The following DPF3 variants were observed in gnomAD, a reference collection of about 807,000 sequenced individuals.
DPF3 encodes the protein zinc finger protein DPF3.
DPF3 carries 18 observed loss-of-function variants against 56.8 expected under a neutral mutation model. The observed-to-expected ratio is 0.32, with a 90% confidence interval of 0.22 to 0.47. The LOEUF is 0.47. Among genes scored for constraint, DPF3 ranks in the 20% least tolerant of loss-of-function variants. The pLI is 1.00. For synonymous variants in DPF3, 188 were observed against 180.2 expected, an observed-to-expected ratio of 1.04 and a Z score of -0.35; for missense variants, 403 against 488.8, an observed-to-expected ratio of 0.82 and a Z score of 1.65.
intron 1 of DPF3, among the ~76,000 whole-genome samples, chr14:72,803,989 A>G (rs1314199336): frequency 1.3e-5 from 2 of 152,230 alleles, no homozygotes; most frequent in Non-Finnish European, 2.9e-5. Flanking sequence ...ACCCTAGCTC[A>G]GCATCTATGG....
Position 72,723,643 on chromosome 14 carries a change from G to T in DPF3, c.515C>A (p.Thr172Asn). 1 of 1,581,128 alleles carries T rather than the reference G, an allele frequency of 6.3e-7. No homozygotes were observed. Among genetic ancestry groups the T allele is most frequent in the East Asian group, 2.3e-5 (1 of 43,392 alleles). The change falls in exon 5 of 11, where the codon ACT (threonine) becomes AAT (asparagine). Residue 172 changes from threonine (T) to asparagine (N), a missense_variant. Physicochemically the swap from Thr to Asn is moderately conservative, Grantham distance 65. This residue lies in a region of DPF3 where 340 missense variants were observed against 374.3 expected (regional missense o/e 0.91). Coordinates refer to ENST00000556509, the MANE Select transcript of DPF3 (RefSeq NM_001280542.3). ...EEDIPKRKNR[T>N]RGRARGSAGG... ...TCATCCCCAACTTACCCGTCCTCTA[G>T]TCCTGTTCTTTCGCTTGGGAATATC...
In DPF3 at chr14:72,693,055, A is replaced by G. The variant is rs142838409; in HGVS notation, c.742+21T>C. The G allele has an allele frequency of 3.8e-4, 606 of 1,613,676 alleles. No individual in the cohort carries two copies. The African/African-American group carries it at 7.3e-3, about 20-fold the overall frequency. On this transcript the variant is annotated intron_variant, in intron 7 of 10. Transcript: ENST00000556509. ...TCTAACCCACTTCTTCACTGCCCCA[A>G]CCTAACAAGTAGGCACTCACGCCTG...
intron 1 of DPF3, among the ~76,000 whole-genome samples, chr14:72,838,781 T>A (rs1306112936): frequency 6.6e-6 from 1 of 151,388 alleles, no homozygotes; most frequent in Non-Finnish European, 1.5e-5. Context: ...CAATTACTGT[T>A]GGCATCAGCA....
intron 6 of DPF3, among the ~76,000 whole-genome samples, chr14:72,710,761 C>T (rs1888620720): frequency 6.6e-6 from 1 of 152,216 alleles, no homozygotes; most frequent in African/African-American, 2.4e-5. Flanking sequence ...ATAAGAAACA[C>T]TTTTCCTTAA....
chr14:72,877,394 G>A lies in DPF3; in HGVS notation c.32+16663C>T, dbSNP rs1219393917. Reference sequence around the variant, plus strand: ...AGGCACACACCCAGGACAATGTTGGGCAATAAAGATTATTCCATCATTTGG... The same window carrying A: ...AGGCACACACCCAGGACAATGTTGGACAATAAAGATTATTCCATCATTTGG... On this transcript the variant is annotated intron_variant, in intron 1 of 10. Coordinates refer to ENST00000556509, the MANE Select transcript of DPF3 (RefSeq NM_001280542.3). Among the ~76,000 whole-genome samples the A allele has an allele frequency of 3.3e-5, 5 of 152,144 alleles. No homozygotes were observed. In the East Asian group the frequency reaches 9.7e-4, roughly 29 times the overall value.
chr14:72,645,682 T>G (rs1169256003), intron 8 of DPF3, among the ~76,000 whole-genome samples: 1 of 152,210 alleles, frequency 6.6e-6, no homozygotes, highest in East Asian at 1.9e-4. Flanking sequence ...CTCTTTGCTG[T>G]CTGGCCACAG....
intron 8 of DPF3, chr14:72,661,363 G>C: frequency 1.0e-6 from 1 of 985,392 alleles, no homozygotes; most frequent in East Asian, 1.1e-4. Context: ...AGGCCAAAGA[G>C]ATTCTCAGGC....
At chr14:72,708,840 C>G (rs1888531146) in intron 6 of DPF3, among the ~76,000 whole-genome samples, 1 of 152,208 alleles carries the variant, frequency 6.6e-6, no homozygotes, top group African/African-American at 2.4e-5. Context: ...CATCTTGCCT[C>G]CCTAGTAAAG....
Position 72,816,061 on chromosome 14 carries a change from T to A in DPF3, c.33-44168A>T, listed in dbSNP as rs147044430. ...ATCTTACCCAAGGTCCAGGACACAG[T>A]GAAAATCATGTTCAACCCTAAGGCC... On this transcript the variant is annotated intron_variant, in intron 1 of 10. Transcript: ENST00000556509. Among the ~76,000 whole-genome samples the A allele has an allele frequency of 4.8e-4, 73 of 152,284 alleles. No individual in the cohort carries two copies. In the East Asian group the frequency reaches 6.7e-3, roughly 14 times the overall value.
chr14:72,893,000 G>GC (rs1567273766), intron 1 of DPF3, among the ~76,000 whole-genome samples: 10 of 133,986 alleles, frequency 7.5e-5, no homozygotes, highest in African/African-American at 3.0e-4. Flanking sequence ...AGGAAGGAAG[G>GC]AAGGAAGGAA....
chr14:72,651,663 G>C (rs1885913148), intron 8 of DPF3, among the ~76,000 whole-genome samples: 1 of 151,816 alleles, frequency 6.6e-6, no homozygotes. Context: ...CTCCTTTGAA[G>C]TAGTACAACC....
At chr14:72,687,271 CAGACTT>C (rs1887454423) in intron 7 of DPF3, among the ~76,000 whole-genome samples, 1 of 152,208 alleles carries the variant, frequency 6.6e-6, no homozygotes, top group Non-Finnish European at 1.5e-5. Context: ...TTCAATTCCA[CAGACTT>C]GAAAAATCAG....
intron 2 of DPF3, among the ~76,000 whole-genome samples, chr14:72,758,850 C>A (rs1197563582): frequency 1.3e-5 from 2 of 152,080 alleles, no homozygotes; most frequent in African/African-American, 2.4e-5. Flanking sequence ...TGTCCCAAAA[C>A]AATGTTCAAG....
At chr14:72,866,172 G>A (rs1264462647) in intron 1 of DPF3, among the ~76,000 whole-genome samples, 1 of 152,160 alleles carries the variant, frequency 6.6e-6, no homozygotes. Flanking sequence ...GATGGGCTAT[G>A]AGGGTTTTCA....
intron 1 of DPF3, among the ~76,000 whole-genome samples, chr14:72,812,502 T>G (rs1599463882): frequency 6.7e-6 from 1 of 149,480 alleles, no homozygotes; most frequent in African/African-American, 2.5e-5. Context: ...GGGAAGGAGG[T>G]GGAGGCAGGG....
intron 1 of DPF3, among the ~76,000 whole-genome samples, chr14:72,888,256 CAA>C (rs1213708611): frequency 6.6e-6 from 1 of 152,158 alleles, no homozygotes; most frequent in Non-Finnish European, 1.5e-5. Context: ...CTAATATTCA[CAA>C]ACACACAGCC....
intron 1 of DPF3, among the ~76,000 whole-genome samples, chr14:72,799,130 C>T (rs1004884307): frequency 6.6e-6 from 1 of 152,128 alleles, no homozygotes; most frequent in Non-Finnish European, 1.5e-5. Flanking sequence ...GCAACACTGG[C>T]CGTGCTCAGG....
chr14:72,871,163 C>T (rs901859264), intron 1 of DPF3, among the ~76,000 whole-genome samples: 1 of 152,206 alleles, frequency 6.6e-6, no homozygotes, highest in African/African-American at 2.4e-5. Flanking sequence ...GATTACCTCC[C>T]TCTGGGTACC....
chr14:72,619,405 G>A (rs1385134244), intron 10 of DPF3, 38 bp from the exon 11 acceptor site: 1 of 1,533,454 alleles, frequency 6.5e-7, no homozygotes, highest in Non-Finnish European at 8.7e-7. Flanking sequence ...CAGCCCCTCT[G>A]CTAACTCTGG....
Sources: allele counts gnomAD v4.1 joint callset (sites outside exome capture counted in the v4.1 genomes callset), GRCh38; gene constraint gnomAD v4.1.1; regional missense constraint gnomAD v4.1.1; transcripts MANE v1.5; gene names NCBI Gene and HGNC (gene_info 2026-07-23, HGNC 2026-07-21).